The following DNAH12 variants were observed in gnomAD, a reference collection of about 807,000 sequenced individuals.
DNAH12 encodes axonemal beta dynein heavy chain 12.
DNAH12 carries 285 observed loss-of-function variants against 371.5 expected under a neutral mutation model. The observed-to-expected ratio is 0.77, with a 90% CI of 0.70 to 0.85. DNAH12 has a LOEUF of 0.85. Ranked by LOEUF, DNAH12 falls within the 40% of genes least tolerant of loss-of-function variation. The probability of loss-of-function intolerance (pLI) is 0.00; values close to 1 mark genes in which losing one functional copy is unlikely to be tolerated. For synonymous variants in DNAH12, 1,200 were observed against 1,213.0 expected, an observed-to-expected ratio of 0.99 and a Z score of 0.22; for missense variants, 3,611 against 3,689.4, an observed-to-expected ratio of 0.98 and a Z score of 0.55.
At chr3:57,450,935 T>C (rs1323765395) in intron 25 of DNAH12, among the ~76,000 whole-genome samples, 1 of 152,192 alleles carries the variant, frequency 6.6e-6, no homozygotes, top group Non-Finnish European at 1.5e-5. Context: ...CTTACTCATA[T>C]CCCTGCCCCA....
At chr3:57,554,806 G>A in the DNAH12 span, among the ~76,000 whole-genome samples, 37,271 of 151,598 alleles carry the variant, frequency 0.25, 6,410 homozygotes, top group African/African-American at 0.48. Flanking sequence ...TAGTAGAGAC[G>A]GGGTTTCACT....
chr3:57,450,263 AGGT>A (rs2065719469), intron 25 of DNAH12, among the ~76,000 whole-genome samples: 2 of 148,766 alleles, frequency 1.3e-5, no homozygotes, highest in East Asian at 2.0e-4. Flanking sequence ...AAAAAAAAAA[AGGT>A]GGCCCAGTGA....
intron 29 of DNAH12, among the ~76,000 whole-genome samples, chr3:57,440,195 T>C (rs1008367100): frequency 2.6e-5 from 4 of 152,056 alleles, no homozygotes; most frequent in Non-Finnish European, 5.9e-5. Flanking sequence ...CAAAAGAAAA[T>C]AAATTGTTCT....
At position 57,387,127 on chromosome 3, in the gene DNAH12, G is replaced by T. The variant is rs2063512548; in HGVS notation, c.7398C>A (p.Ile2466=). ...TEVEQQEIVP[I]CKHFHTSIMD... is the part of the protein sequence containing the mutation. ...TAATGGAGGTGTGAAAGTGTTTACAGATTGGAACTATCTCTTGTTGTTCAA... is the reference window on the plus strand; with the variant it reads ...TAATGGAGGTGTGAAAGTGTTTACATATTGGAACTATCTCTTGTTGTTCAA... The change falls in exon 46 of 74, where the codon ATC becomes ATA. Residue 2466 remains isoleucine, a synonymous_variant. Transcript: ENST00000495027. The T allele has an allele frequency of 6.6e-6, 1 of 152,188 alleles. No homozygotes were observed. The highest frequency in any genetic ancestry group is 1.9e-4 in the East Asian group (1 of 5,196). The allele number at this position is 152,188 out of a possible 1,614,324, so 9.4% of individuals were successfully genotyped here.
chr3:57,542,760 T>C lies in DNAH12; in HGVS notation c.111A>G (p.Gln37=). 6.2e-7 allele frequency: 1 copy of C among 1,612,536 alleles called. No homozygotes were observed. The highest frequency in any genetic ancestry group is 1.1e-5 in the South Asian group (1 of 90,692). The change falls in exon 2 of 74, where the codon CAA becomes CAG. Residue 37 remains glutamine, a synonymous_variant. Coordinates refer to ENST00000495027, the MANE Select transcript of DNAH12 (RefSeq NM_001366028.2). ...ATCTTCTGTATTTTAGCAGCTTACT[T>C]TGTGTTGGTGTATCAACGCCTATGT... The part of the protein sequence containing the change: ...PENIGVDTPT[Q]SKLLKYRRSK...
intron 66 of DNAH12, among the ~76,000 whole-genome samples, chr3:57,311,481 T>C (rs1575433907): frequency 6.6e-6 from 1 of 152,266 alleles, no homozygotes; most frequent in South Asian, 2.1e-4. Flanking sequence ...AAAGACGACA[T>C]GGAAATTACC....
At chr3:57,484,099 C>T (rs1575667388) in intron 12 of DNAH12, among the ~76,000 whole-genome samples, 1 of 151,658 alleles carries the variant, frequency 6.6e-6, no homozygotes, top group East Asian at 1.9e-4. Context: ...TCTTAAATAC[C>T]CAGGTAACAC....
At chr3:57,369,405 T>C (rs1210646169) in intron 55 of DNAH12, among the ~76,000 whole-genome samples, 2 of 149,984 alleles carry the variant, frequency 1.3e-5, no homozygotes, top group African/African-American at 2.4e-5. Flanking sequence ...CCCATGTCAC[T>C]TCAGCTTTCC....
At chr3:57,302,559 A>ATTTTTTTTTT (rs1436244232) in intron 69 of DNAH12, among the ~76,000 whole-genome samples, 1 of 61,376 alleles carries the variant, frequency 1.6e-5, no homozygotes, top group Non-Finnish European at 3.1e-5. Context: ...ATATATATAT[A>ATTTTTTTTTT]TATATGTATT....
At chr3:57,469,169 T>C (rs1575644629) in intron 16 of DNAH12, among the ~76,000 whole-genome samples, 190 bp from the exon 17 acceptor site, 1 of 152,198 alleles carries the variant, frequency 6.6e-6, no homozygotes, top group African/African-American at 2.4e-5. Context: ...ATTTTGACTA[T>C]GCTGCATGTG....
Position 57,494,341 on chromosome 3 carries a change from C to T in DNAH12, c.1336-4654G>A, listed in dbSNP as rs145258099. On this transcript the variant is annotated intron_variant, in intron 11 of 73. Transcript: ENST00000495027. ...GCCAAGGTGCATGGATTATTTGAGC[C>T]CAGGAGTTTGAGACCAACCTGGGCA... Among the ~76,000 whole-genome samples, 653 of 151,922 alleles carry T rather than the reference C, an allele frequency of 4.3e-3. 7 individuals are homozygous for T. Among genetic ancestry groups the T allele is most frequent in the African/African-American group, 0.015 (634 of 41,426 alleles).
intron 66 of DNAH12, among the ~76,000 whole-genome samples, chr3:57,312,790 T>G (rs943337974): frequency 6.6e-6 from 1 of 152,216 alleles, no homozygotes; most frequent in African/African-American, 2.4e-5. Flanking sequence ...TACAATTCCA[T>G]AGGCACCAAT....
chr3:57,324,992 C>T (rs1426196361), intron 62 of DNAH12, among the ~76,000 whole-genome samples: 1 of 152,234 alleles, frequency 6.6e-6, no homozygotes, highest in African/African-American at 2.4e-5. Flanking sequence ...TGAGATCAAA[C>T]TGCAAGGCGG....
At chr3:57,296,809 T>A in intron 71 of DNAH12, 38 bp downstream of exon 71, 1 of 1,541,312 alleles carries the variant, frequency 6.5e-7, no homozygotes, top group Non-Finnish European at 8.8e-7. Context: ...CATGACTTAA[T>A]GTAATGATAT....
At chr3:57,417,062 C>T (rs992252733) in intron 37 of DNAH12, among the ~76,000 whole-genome samples, 1 of 152,008 alleles carries the variant, frequency 6.6e-6, no homozygotes, top group African/African-American at 2.4e-5. Context: ...ACCAGCCTGA[C>T]CAACATGTAG....
chr3:57,337,558 C>A lies in DNAH12; in HGVS notation c.9675-2618G>T, dbSNP rs138817323. 3.6e-3 allele frequency among the ~76,000 whole-genome samples: 554 copies of A among 152,236 alleles called. 5 individuals are homozygous for A. The highest frequency in any genetic ancestry group is 0.013 in the African/African-American group (529 of 41,532). ...CCTGTAATCCCAGCTACTTGGGAGG[C>A]TGAGGCAGGAGAATCACTTGAACCT... On this transcript the variant is annotated intron_variant, in intron 60 of 73. Transcript: ENST00000495027.
intron 13 of DNAH12, among the ~76,000 whole-genome samples, chr3:57,479,531 G>A (rs2066660159): frequency 1.3e-5 from 2 of 152,092 alleles, no homozygotes; most frequent in African/African-American, 2.4e-5. Context: ...AAGTTAACAA[G>A]GATATCCAGA....
intron 13 of DNAH12, among the ~76,000 whole-genome samples, chr3:57,480,604 A>C (rs9681885): frequency 0.67 from 99,198 of 149,150 alleles, 33,245 homozygotes; most frequent in South Asian, 0.75. Context: ...CAAAGCCGGG[A>C]AGAGACACAA....
chr3:57,495,570 G>A (rs1425222765), intron 11 of DNAH12, among the ~76,000 whole-genome samples: 1 of 114,266 alleles, frequency 8.8e-6, no homozygotes, highest in Non-Finnish European at 1.8e-5. Context: ...GGCGACAAGA[G>A]TGAGACTCCA....
Sources: allele counts gnomAD v4.1 joint callset (sites outside exome capture counted in the v4.1 genomes callset), GRCh38; gene constraint gnomAD v4.1.1; transcripts MANE v1.5; gene names NCBI Gene and HGNC (gene_info 2026-07-23, HGNC 2026-07-21).